The following ELAPOR1 variants were observed in gnomAD, a reference collection of about 807,000 sequenced individuals.
ELAPOR1 encodes the protein endosome-lysosome associated apoptosis and autophagy regulator 1.
A neutral mutation model predicts 119.7 loss-of-function variants in ELAPOR1; 77 were observed. The observed-to-expected ratio is 0.64, with a 90% CI of 0.54 to 0.78. The LOEUF (loss-of-function observed/expected upper bound fraction) is 0.78, where lower values mean the gene tolerates loss of function less well. Ranked by LOEUF, ELAPOR1 falls within the 30% of genes least tolerant of loss-of-function variation. The pLI is 0.00. For synonymous variants in ELAPOR1, 481 were observed against 487.2 expected, an observed-to-expected ratio of 0.99 and a Z score of 0.17; for missense variants, 1,115 against 1,270.4, an observed-to-expected ratio of 0.88 and a Z score of 1.86.
chr1:109,189,536 C>T, intron 10 of ELAPOR1, 56 bp from the exon 11 acceptor site: 1 of 1,477,186 alleles, frequency 6.8e-7, no homozygotes, highest in Middle Eastern at 2.0e-4. Context: ...CATCTGGGTG[C>T]ACATTTGCCT....
chr1:109,165,925 C>CTTTT (rs1410332142), intron 3 of ELAPOR1, among the ~76,000 whole-genome samples: 1 of 141,432 alleles, frequency 7.1e-6, no homozygotes, highest in Non-Finnish European at 1.5e-5. Context: ...TTTTTTTTTT[C>CTTTT]TTTTTTTTGA....
intron 9 of ELAPOR1, 142 bp from the exon 10 acceptor site, chr1:109,188,924 A>T (rs1041380350): frequency 9.1e-6 from 8 of 877,014 alleles, no homozygotes; most frequent in Admixed American, 8.2e-5. Context: ...AGTCAACTTG[A>T]TACAACTTCC....
intron 1 of ELAPOR1, among the ~76,000 whole-genome samples, chr1:109,118,163 A>G (rs1244438259): frequency 6.6e-6 from 1 of 152,068 alleles, no homozygotes; most frequent in African/African-American, 2.4e-5. Flanking sequence ...AAGAAAATTA[A>G]TTCAAACAGT....
chr1:109,203,041 C>A lies in ELAPOR1; in HGVS notation c.*29C>A. On this transcript the variant is annotated 3_prime_UTR_variant, in exon 22 of 22. Coordinates refer to ENST00000369939, the MANE Select transcript of ELAPOR1 (RefSeq NM_020775.5). ...GCACTGCCTGCCTCACCTGCCTCCT[C>A]ACCTTGCATAGCACCTTTGCAAGCC... The A allele has an allele frequency of 1.3e-6, 2 of 1,508,374 alleles. No individual in the cohort carries two copies. Among genetic ancestry groups the A allele is most frequent in the Non-Finnish European group, 1.8e-6 (2 of 1,085,916 alleles). The allele number at this position is 1,508,374 out of a possible 1,614,324, so 93.4% of individuals were successfully genotyped here. A position where few individuals can be genotyped will look rare whatever the true frequency, so the allele number is the denominator to read the frequency against.
chr1:109,198,199 T>C (rs1653948038), intron 17 of ELAPOR1, 124 bp downstream of exon 17: 1 of 759,258 alleles, frequency 1.3e-6, no homozygotes, highest in East Asian at 2.6e-5. Flanking sequence ...GTCTAGCAGA[T>C]CTGCCCAGTC....
chr1:109,165,259 C>T (rs1230997256), intron 3 of ELAPOR1, among the ~76,000 whole-genome samples: 2 of 151,944 alleles, frequency 1.3e-5, no homozygotes, highest in Non-Finnish European at 2.9e-5. Flanking sequence ...ACCACTGTAC[C>T]CCTGGATAAC....
At chr1:109,123,589 T>C (rs953428322) in intron 1 of ELAPOR1, among the ~76,000 whole-genome samples, 1 of 152,222 alleles carries the variant, frequency 6.6e-6, no homozygotes, top group Non-Finnish European at 1.5e-5. Context: ...CCCTTTTGGC[T>C]TATTGAATAC....
intron 7 of ELAPOR1, among the ~76,000 whole-genome samples, chr1:109,177,096 G>A (rs548341205): frequency 1.2e-3 from 172 of 147,734 alleles, no homozygotes; most frequent in African/African-American, 4.2e-3. Context: ...TTGTCATCAT[G>A]GCCCGTTCTC....
chr1:109,116,300 TG>T (rs2100946750), intron 1 of ELAPOR1, among the ~76,000 whole-genome samples: 1 of 152,356 alleles, frequency 6.6e-6, no homozygotes, highest in African/African-American at 2.4e-5. Context: ...TTTTTGGATT[TG>T]TAGAATGGGT....
intron 1 of ELAPOR1, among the ~76,000 whole-genome samples, chr1:109,124,716 C>T (rs1196063661): frequency 6.6e-6 from 1 of 152,190 alleles, no homozygotes; most frequent in East Asian, 1.9e-4. Context: ...ACATCCTTGG[C>T]AATGCTATCA....
At chr1:109,168,652 C>T (rs1651741538) in intron 3 of ELAPOR1, among the ~76,000 whole-genome samples, 1 of 152,020 alleles carries the variant, frequency 6.6e-6, no homozygotes, top group Admixed American at 6.6e-5. Flanking sequence ...AGCAGACGCC[C>T]AAAGACTGTG....
At chr1:109,183,285 G>C (rs1356017727) in intron 7 of ELAPOR1, among the ~76,000 whole-genome samples, 2 of 135,230 alleles carry the variant, frequency 1.5e-5, no homozygotes, top group Non-Finnish European at 3.0e-5. Flanking sequence ...GAAGCCAGGA[G>C]CTCAAGACCA....
At chr1:109,201,854 C>T (rs1289050341) in intron 21 of ELAPOR1, among the ~76,000 whole-genome samples, 1 of 152,138 alleles carries the variant, frequency 6.6e-6, no homozygotes, top group Non-Finnish European at 1.5e-5. Flanking sequence ...AATCCCAGCA[C>T]TTTGGGAGGC....
intron 7 of ELAPOR1, among the ~76,000 whole-genome samples, chr1:109,178,790 C>G (rs2101077263): frequency 6.6e-6 from 1 of 151,890 alleles, no homozygotes; most frequent in African/African-American, 2.4e-5. Flanking sequence ...TATGGTAAAA[C>G]CCCAACTCTA....
rs543113124 is a variant in ELAPOR1 at position 109,186,474 on chromosome 1, A to G, written c.1041+1341A>G. Reference sequence around the variant, plus strand: ...TGAATTCTCCCTTTCCTAACTAAGCATGGGTTAAAGTCTGGTCCTTAACAA... The same window carrying G: ...TGAATTCTCCCTTTCCTAACTAAGCGTGGGTTAAAGTCTGGTCCTTAACAA... On this transcript the variant is annotated intron_variant, in intron 8 of 21. Coordinates refer to ENST00000369939, the MANE Select transcript of ELAPOR1 (RefSeq NM_020775.5). The G allele has an allele frequency of 1.9e-5, 19 of 984,946 alleles. No individual in the cohort carries two copies. In the Admixed American group the frequency reaches 2.5e-4, roughly 13 times the overall value. The allele number at this position is 984,946 out of a possible 1,614,324, so 61.0% of individuals were successfully genotyped here.
chr1:109,125,259 G>C (rs1246332685), intron 1 of ELAPOR1, among the ~76,000 whole-genome samples: 1 of 150,764 alleles, frequency 6.6e-6, no homozygotes, highest in Non-Finnish European at 1.5e-5. Flanking sequence ...AGTAGAGATG[G>C]AATTTCCCTA....
At chr1:109,125,930 C>T (rs1370571874) in intron 1 of ELAPOR1, among the ~76,000 whole-genome samples, 2 of 152,200 alleles carry the variant, frequency 1.3e-5, no homozygotes, top group Admixed American at 6.6e-5. Flanking sequence ...GCTGCTTCCC[C>T]TCCACCCAAC....
intron 7 of ELAPOR1, among the ~76,000 whole-genome samples, chr1:109,177,763 C>T (rs17033878): frequency 0.15 from 22,027 of 151,906 alleles, 1,779 homozygotes; most frequent in Middle Eastern, 0.23. Context: ...CAACAGCAAC[C>T]TTTGTTAGCC....
chr1:109,166,375 A>G (rs1651602690), intron 3 of ELAPOR1, among the ~76,000 whole-genome samples: 1 of 152,194 alleles, frequency 6.6e-6, no homozygotes, highest in South Asian at 2.1e-4. Flanking sequence ...GATTCTGCCT[A>G]GCCTTTGCCC....
Sources: gnomAD v4.1 joint callset for allele counts (sites outside exome capture counted in the v4.1 genomes callset) on GRCh38, gnomAD v4.1.1 for gene constraint, MANE v1.5 for transcripts, NCBI Gene and HGNC (gene_info 2026-07-23, HGNC 2026-07-21) for gene names.